CD2AP: variants seen among roughly 807,000 people sequenced by gnomAD.
The protein encoded by CD2AP is CD2-associated protein.
A neutral mutation model predicts 85.1 loss-of-function variants in CD2AP; 46 were observed. The ratio of observed to expected loss-of-function variants is 0.54; its 90% CI spans 0.43 to 0.69. CD2AP has a LOEUF of 0.69. Among genes scored for constraint, CD2AP ranks in the 30% least tolerant of loss-of-function variants. The probability of loss-of-function intolerance (pLI) is 0.00; values close to 1 mark genes in which losing one functional copy is unlikely to be tolerated. For synonymous variants in CD2AP, 255 were observed against 252.9 expected, an observed-to-expected ratio of 1.01 and a Z score of -0.08; for missense variants, 769 against 729.5, an observed-to-expected ratio of 1.05 and a Z score of -0.62.
Position 47,500,359 on chromosome 6 carries a change from T to G in CD2AP, c.5-2921T>G, listed in dbSNP as rs558033092. Among the ~76,000 whole-genome samples the G allele has an allele frequency of 3.7e-4, 57 of 152,324 alleles. No homozygotes were observed. The South Asian group carries it at 0.011, about 30-fold the overall frequency. On this transcript the variant is annotated intron_variant, in intron 1 of 17. Transcript: ENST00000359314. Reference sequence around the variant, plus strand: ...TCTTTTTGAGGTCTACAGAGCAGTTTGGTATTTCATTTATAGCTCCCTTAG... The same window carrying G: ...TCTTTTTGAGGTCTACAGAGCAGTTGGGTATTTCATTTATAGCTCCCTTAG...
At chr6:47,548,535 A>G (rs1308585046) in intron 4 of CD2AP, among the ~76,000 whole-genome samples, 1 of 152,172 alleles carries the variant, frequency 6.6e-6, no homozygotes, top group Non-Finnish European at 1.5e-5. Flanking sequence ...GAACAATAAC[A>G]GGCAGCGAGG....
chr6:47,609,107 T>A lies in CD2AP; in HGVS notation c.1633-16T>A. The stretch of plus-strand genomic sequence containing the variant: ...AATATTAAATAAAATCAGAAATTTT[T>A]TTTTTACGTTTTCAGCCATCTGTGT... On this transcript the variant is annotated splice_polypyrimidine_tract_variant and intron_variant, in intron 15 of 17. Transcript: ENST00000359314. 6.3e-7 allele frequency: 1 copy of A among 1,575,052 alleles called. No homozygotes were observed. The highest frequency in any genetic ancestry group is 8.6e-7 in the Non-Finnish European group (1 of 1,161,158).
chr6:47,605,724 A>G (rs1270798763), intron 13 of CD2AP, among the ~76,000 whole-genome samples: 2 of 152,078 alleles, frequency 1.3e-5, no homozygotes, highest in Admixed American at 1.3e-4. Flanking sequence ...AATTCTTAAC[A>G]TATGAATATT....
chr6:47,563,235 G>A (rs536048829), intron 5 of CD2AP, among the ~76,000 whole-genome samples: 31 of 152,282 alleles, frequency 2.0e-4, no homozygotes, highest in African/African-American at 7.5e-4. Context: ...TCTCTAGGGG[G>A]AAGACAAATG....
chr6:47,518,875 A>G (rs897458458), intron 2 of CD2AP, among the ~76,000 whole-genome samples: 1 of 152,208 alleles, frequency 6.6e-6, no homozygotes, highest in Non-Finnish European at 1.5e-5. Context: ...TGAAAAGAGT[A>G]TGAATTCCCC....
chr6:47,542,836 AAAG>A (rs1249066836), intron 3 of CD2AP, among the ~76,000 whole-genome samples: 1 of 152,104 alleles, frequency 6.6e-6, no homozygotes, highest in Non-Finnish European at 1.5e-5. Flanking sequence ...GAGTAGCACA[AAAG>A]AAGATTATTT....
intron 2 of CD2AP, among the ~76,000 whole-genome samples, chr6:47,513,872 CT>C (rs537111345): frequency 1.3e-4 from 17 of 135,246 alleles, no homozygotes; most frequent in African/African-American, 4.1e-4. Flanking sequence ...TACCATCAGA[CT>C]TTAAAAAAAA....
Position 47,577,082 on chromosome 6 carries a change from G to C in CD2AP, c.882G>C (p.Glu294Asp), listed in dbSNP as rs369753088. 1 of 1,517,960 alleles carries C rather than the reference G, an allele frequency of 6.6e-7. No homozygotes were observed. The highest frequency in any genetic ancestry group is 1.4e-5 in the African/African-American group (1 of 72,996). 94.0% of individuals were successfully genotyped at this position (1,517,960 alleles called of 1,614,324 possible). The change falls in exon 8 of 18, where the codon GAG (glutamate) becomes GAC (aspartate). Residue 294 changes from glutamate to aspartate, a missense_variant. Glu to Asp is a conservative substitution (Grantham distance 45). Transcript: ENST00000359314. ...NEDELTFKEG[E>D]IIHLISKETG... ...ATGAACTTACTTTTAAAGAGGGGGA[G>C]ATAATCCATTTGATAAGTAAGGTAA... is the stretch of plus-strand genomic sequence containing the variant.
At chr6:47,541,007 A>C (rs1484650715) in intron 3 of CD2AP, among the ~76,000 whole-genome samples, 1 of 152,244 alleles carries the variant, frequency 6.6e-6, no homozygotes, top group Non-Finnish European at 1.5e-5. Flanking sequence ...AGCACGCAAA[A>C]AACTATTTAA....
At chr6:47,536,745 G>A (rs1436699190) in intron 3 of CD2AP, among the ~76,000 whole-genome samples, 2 of 152,160 alleles carry the variant, frequency 1.3e-5, no homozygotes, top group African/African-American at 4.8e-5. Flanking sequence ...AGTCAGAGAA[G>A]AGAACAAATG....
At chr6:47,542,068 G>A (rs1767228352) in intron 3 of CD2AP, among the ~76,000 whole-genome samples, 1 of 152,150 alleles carries the variant, frequency 6.6e-6, no homozygotes, top group African/African-American at 2.4e-5. Flanking sequence ...ATTTCATTGT[G>A]TAACTCTTAT....
chr6:47,610,964 TATATGTA>T (rs1316593020), intron 16 of CD2AP, among the ~76,000 whole-genome samples: 6 of 98,128 alleles, frequency 6.1e-5, no homozygotes, highest in Middle Eastern at 4.5e-3. Context: ...TATATATATA[TATATGTA>T]TTTTTTTTTT....
intron 7 of CD2AP, 149 bp downstream of exon 7, chr6:47,576,751 T>C (rs1768324188): frequency 5.8e-6 from 4 of 689,582 alleles, no homozygotes; most frequent in Admixed American, 2.4e-5. Flanking sequence ...GATTTTGATA[T>C]ACTTTGTTGG....
At chr6:47,584,188 T>G (rs1480007482) in intron 11 of CD2AP, among the ~76,000 whole-genome samples, 1 of 152,216 alleles carries the variant, frequency 6.6e-6, no homozygotes, top group East Asian at 1.9e-4. Context: ...CCAGTCTGAC[T>G]TGTTTTCTTC....
chr6:47,564,785 A>G (rs1248747586), intron 5 of CD2AP, among the ~76,000 whole-genome samples: 3 of 152,114 alleles, frequency 2.0e-5, no homozygotes, highest in South Asian at 2.1e-4. Context: ...TGTTTTGACA[A>G]TCTTTTCAGT....
chr6:47,579,770 G>A (rs1768421556), intron 9 of CD2AP: 1 of 296,334 alleles, frequency 3.4e-6, no homozygotes, highest in Admixed American at 4.8e-5. Flanking sequence ...ACATAAATTA[G>A]TACTTTCCTG....
intron 3 of CD2AP, among the ~76,000 whole-genome samples, chr6:47,541,126 C>CT (rs921781866): frequency 4.0e-5 from 6 of 151,764 alleles, no homozygotes; most frequent in South Asian, 2.1e-4. Context: ...TTTCTTTTTC[C>CT]TTTTTTTTAT....
intron 1 of CD2AP, among the ~76,000 whole-genome samples, chr6:47,480,641 GT>G (rs1765418496): frequency 6.6e-6 from 1 of 152,164 alleles, no homozygotes; most frequent in Admixed American, 6.5e-5. Context: ...GATTGAATGA[GT>G]TACTACTTGT....
At chr6:47,541,813 T>C (rs1224088562) in intron 3 of CD2AP, among the ~76,000 whole-genome samples, 1 of 152,230 alleles carries the variant, frequency 6.6e-6, no homozygotes, top group South Asian at 2.1e-4. Flanking sequence ...AACATAAGTC[T>C]TCTGACTTCC....
Sources: gnomAD v4.1 joint callset for allele counts (sites outside exome capture counted in the v4.1 genomes callset) on GRCh38, gnomAD v4.1.1 for gene constraint, MANE v1.5 for transcripts, NCBI Gene and HGNC (gene_info 2026-07-23, HGNC 2026-07-21) for gene names.